Variants in DAB1 observed in about 807,000 individuals in gnomAD.
DAB1 encodes the protein disabled homolog 1.
DAB1 carries 15 observed loss-of-function variants against 64.6 expected under a neutral mutation model. The observed-to-expected ratio is 0.23, with a 90% CI of 0.16 to 0.36. The LOEUF is 0.36. DAB1 is among the 10% of genes least tolerant of loss of function. The pLI is 1.00. For synonymous variants in DAB1, 235 were observed against 251.9 expected, an observed-to-expected ratio of 0.93 and a Z score of 0.64; for missense variants, 596 against 706.7, an observed-to-expected ratio of 0.84 and a Z score of 1.78.
chr1:58,040,844 T>C (rs1647124336), intron 5 of DAB1, among the ~76,000 whole-genome samples: 1 of 152,188 alleles, frequency 6.6e-6, no homozygotes, highest in Non-Finnish European at 1.5e-5. Flanking sequence ...AATTCTCTCT[T>C]CTTTTCCTGA....
At chr1:57,979,764 T>G (rs1173523980) in intron 5 of DAB1, among the ~76,000 whole-genome samples, 1 of 152,184 alleles carries the variant, frequency 6.6e-6, no homozygotes, top group Admixed American at 6.5e-5. Flanking sequence ...ATCTGTAAAA[T>G]GGGGATAAAA....
chr1:57,463,805 A>G (rs1164031089), intron 7 of DAB1, among the ~76,000 whole-genome samples: 1 of 152,176 alleles, frequency 6.6e-6, no homozygotes, highest in African/African-American at 2.4e-5. Flanking sequence ...TTGAGAAACT[A>G]TTTGGTGTCA....
At chr1:58,235,083 C>G (rs1209056743) in intron 4 of DAB1, among the ~76,000 whole-genome samples, 1 of 152,212 alleles carries the variant, frequency 6.6e-6, no homozygotes, top group East Asian at 1.9e-4. Flanking sequence ...CGCCACACAC[C>G]CTGCCTCAGC....
intron 9 of DAB1, among the ~76,000 whole-genome samples, chr1:57,042,248 C>T (rs1471314113): frequency 3.3e-5 from 5 of 152,126 alleles, no homozygotes; most frequent in African/African-American, 7.2e-5. Context: ...GCGTTATCCT[C>T]GACTGTTTTT....
intron 1 of DAB1, among the ~76,000 whole-genome samples, chr1:57,359,209 T>C (rs568774553): frequency 3.9e-4 from 60 of 152,174 alleles, no homozygotes; most frequent in African/African-American, 1.4e-3. Context: ...AAGAGGTTAA[T>C]ATCCAAAATA....
rs142807416 is a variant in DAB1, at chr1:58,381,788, T to C, written n.258-38385A>G. On this transcript the variant is annotated intron_variant and non_coding_transcript_variant, in intron 3 of 20. Coordinates refer to the DAB1 transcript ENST00000485760. The stretch of plus-strand genomic sequence containing the variant: ...TTAGACTATGAATGGAGATGCTAAG[T>C]GGGCAGTTGGACAATACAAGTCTGA... Among the ~76,000 whole-genome samples, 152 of 152,292 alleles carry C rather than the reference T, an allele frequency of 1.0e-3. 1 individual carries two copies. Among genetic ancestry groups the C allele is most frequent in the African/African-American group, 3.5e-3 (144 of 41,554 alleles).
chr1:57,696,327 G>T (rs1440934999), intron 6 of DAB1, among the ~76,000 whole-genome samples: 1 of 149,826 alleles, frequency 6.7e-6, no homozygotes, highest in Admixed American at 6.7e-5. Flanking sequence ...CTGAAACTAT[G>T]TCTGTGGGAG....
chr1:58,293,119 C>T (rs1033936372), intron 4 of DAB1, among the ~76,000 whole-genome samples: 1 of 152,032 alleles, frequency 6.6e-6, no homozygotes, highest in African/African-American at 2.4e-5. Context: ...AATAAATGAG[C>T]GAGTAGTGAA....
rs146755939 is a variant in DAB1 at position 57,917,700 on chromosome 1, G to A, written n.388-33538C>T. Among the ~76,000 whole-genome samples, 1,026 of 152,196 alleles carry A rather than the reference G, an allele frequency of 6.7e-3. 12 individuals are homozygous for A. The highest frequency in any genetic ancestry group is 0.024 in the African/African-American group (986 of 41,508). On this transcript the variant is annotated intron_variant and non_coding_transcript_variant, in intron 5 of 20. Coordinates refer to the DAB1 transcript ENST00000485760. ...TCCATATACTTCCAGGAATCCATTTGCTGTTGTCCTTAAAGTCTTTAAAGT... is the reference window on the plus strand; with the variant it reads ...TCCATATACTTCCAGGAATCCATTTACTGTTGTCCTTAAAGTCTTTAAAGT...
chr1:58,109,503 A>C (rs751965164), intron 5 of DAB1, among the ~76,000 whole-genome samples: 1 of 152,132 alleles, frequency 6.6e-6, no homozygotes, highest in African/African-American at 2.4e-5. Context: ...GAGGAGAACT[A>C]ATGGATCAAC....
chr1:57,015,067 C>T lies in DAB1; in HGVS notation c.1260G>A (p.Met420Ile). 3.7e-6 allele frequency: 6 copies of T among 1,614,164 alleles called. No homozygotes were observed. The highest frequency in any genetic ancestry group is 1.6e-4 in the Middle Eastern group (1 of 6,062). The change falls in exon 12 of 15, where the codon ATG becomes ATA. Residue 420 changes from methionine (M) to isoleucine (I), a missense_variant. By Grantham distance (10) the Met-to-Ile change is conservative. Transcript: ENST00000371236. ...MGKETFKDFQMAQPPPVPSRK... is the reference protein window; with the variant it reads ...MGKETFKDFQIAQPPPVPSRK... The stretch of plus-strand genomic sequence containing the variant: ...GGGAGGGCACGGGCGGAGGCTGGGC[C>T]ATCTGGAAATCCTTAAACGTTTCTT...
intron 4 of DAB1, among the ~76,000 whole-genome samples, chr1:58,297,212 C>A (rs1662014940): frequency 1.3e-5 from 2 of 152,108 alleles, no homozygotes; most frequent in South Asian, 2.1e-4. Context: ...TTAATAATGT[C>A]TATTTTAGAG....
intron 7 of DAB1, among the ~76,000 whole-genome samples, chr1:57,535,268 CT>C (rs1251299129): frequency 6.6e-6 from 1 of 152,194 alleles, no homozygotes; most frequent in African/African-American, 2.4e-5. Context: ...AACATATCTA[CT>C]TTTTCACAGC....
intron 7 of DAB1, among the ~76,000 whole-genome samples, chr1:57,624,320 C>T (rs1234989319): frequency 6.6e-6 from 1 of 152,142 alleles, no homozygotes; most frequent in Admixed American, 6.5e-5. Flanking sequence ...ATGAAATCAG[C>T]TCTGCCACTT....
At chr1:57,791,659 A>G (rs529400950) in intron 6 of DAB1, among the ~76,000 whole-genome samples, 1 of 152,132 alleles carries the variant, frequency 6.6e-6, no homozygotes, top group Non-Finnish European at 1.5e-5. Flanking sequence ...CCCAGCAGGT[A>G]ATTTCTTTTC....
chr1:57,596,861 CCAAT>C (rs1236646973), intron 7 of DAB1, among the ~76,000 whole-genome samples: 13 of 152,146 alleles, frequency 8.5e-5, no homozygotes, highest in African/African-American at 3.1e-4. Context: ...AATGATTCAA[CCAAT>C]CAATTTAATT....
chr1:57,989,295 C>T (rs1156574513), intron 5 of DAB1, among the ~76,000 whole-genome samples: 1 of 152,148 alleles, frequency 6.6e-6, no homozygotes, highest in Non-Finnish European at 1.5e-5. Flanking sequence ...CACCACTATG[C>T]CTTCACTTTA....
chr1:58,415,638 C>G (rs138089751), intron 3 of DAB1, among the ~76,000 whole-genome samples: 1 of 152,198 alleles, frequency 6.6e-6, no homozygotes. Context: ...ATTTACATAG[C>G]ATGGAATTTC....
chr1:57,083,859 C>A (rs188166959), intron 4 of DAB1, among the ~76,000 whole-genome samples: 142 of 152,266 alleles, frequency 9.3e-4, no homozygotes, highest in African/African-American at 2.3e-3. Flanking sequence ...GTGCTACTTT[C>A]GTTAACTTGG....
Sources: gnomAD v4.1 joint callset for allele counts (sites outside exome capture counted in the v4.1 genomes callset) on GRCh38, gnomAD v4.1.1 for gene constraint, MANE v1.5 for transcripts, NCBI Gene and HGNC (gene_info 2026-07-23, HGNC 2026-07-21) for gene names.